Variants in IQGAP2 observed in about 807,000 individuals in gnomAD.
The protein encoded by IQGAP2 is IQ motif containing GTPase activating protein 2, also known as ras GTPase-activating-like protein IQGAP2.
Under a neutral mutation model 201.3 loss-of-function variants are expected in IQGAP2, and 173 were observed. That is an observed-to-expected ratio of 0.86 (90% CI 0.76 to 0.98). IQGAP2 has a LOEUF of 0.98. IQGAP2 is among the 50% of genes least tolerant of loss of function. IQGAP2 has a pLI of 0.00. For missense variants in IQGAP2, 1,687 were observed against 1,864.8 expected, an observed-to-expected ratio of 0.90 and a Z score of 1.76; for synonymous variants, 675 against 673.9, an observed-to-expected ratio of 1.00 and a Z score of -0.03.
chr5:76,706,513 A>T (rs2150573417), intron 35 of IQGAP2, among the ~76,000 whole-genome samples: 1 of 152,066 alleles, frequency 6.6e-6, no homozygotes, highest in South Asian at 2.1e-4. Context: ...ACGCCCAGCT[A>T]ATTTTTGTAT....
At chr5:76,477,125 A>T (rs955212098) in intron 2 of IQGAP2, among the ~76,000 whole-genome samples, 1 of 152,180 alleles carries the variant, frequency 6.6e-6, no homozygotes. Flanking sequence ...GCCTCAGCCC[A>T]GGAGTTTGAG....
rs757013247 is a variant in IQGAP2, at chr5:76,592,858, A to G, written c.840A>G (p.Glu280=). ...TGCAGAATAGCTGTATTTCAGAAGA[A>G]GAAAGAGATGCTTATGAAGAACTGC... ...ARLKNSCISE[E]ERDAYEELLT... Residue 280 remains glutamate (E), a synonymous_variant, in exon 9 of 36, where the codon GAA becomes GAG. Coordinates refer to ENST00000274364, the MANE Select transcript of IQGAP2 (RefSeq NM_006633.5). The G allele has an allele frequency of 3.1e-6, 5 of 1,611,138 alleles. No homozygotes were observed. Among genetic ancestry groups the G allele is most frequent in the Non-Finnish European group, 1.7e-6 (2 of 1,177,366 alleles).
At position 76,698,123 on chromosome 5, in the gene IQGAP2, C is replaced by G. The variant is rs1746924655; in HGVS notation, c.4343C>G (p.Thr1448Ser). Reference protein sequence around the residue: ...QINYYDTYIKTCLDNLKRKNT... With the variant: ...QINYYDTYIKSCLDNLKRKNT... ...AATTATTATGACACCTACATAAAGA[C>G]TTGTTTAGACAACTTAAAAAGAAAG... The change falls in exon 33 of 36, where the codon ACT (threonine) becomes AGT (serine). Residue 1448 changes from threonine (T) to serine (S), a missense_variant. Transcript: ENST00000274364. 3 of 1,598,410 alleles carry G rather than the reference C, an allele frequency of 1.9e-6. No homozygotes were observed. The highest frequency in any genetic ancestry group is 2.6e-6 in the Non-Finnish European group (3 of 1,170,074).
rs748461897 is a variant in IQGAP2 at position 76,632,038 on chromosome 5, TG to T, written c.1780+13del. 1.9e-6 allele frequency: 3 copies of T among 1,590,980 alleles called. No homozygotes were observed. Among genetic ancestry groups the T allele is most frequent in the South Asian group, 1.2e-5 (1 of 86,190 alleles). On this transcript the variant is annotated intron_variant, in intron 15 of 35. Coordinates refer to ENST00000274364, the MANE Select transcript of IQGAP2 (RefSeq NM_006633.5). ...CAAATCTGAAAGAGGTAAGTTGGTT[TG>T]TTACTTTAGCACAAACTAAGTATTT...
chr5:76,700,963 C>T (rs1048415824), intron 33 of IQGAP2, 113 bp from the exon 34 acceptor site: 32 of 1,052,348 alleles, frequency 3.0e-5, no homozygotes, highest in Admixed American at 7.5e-5. Context: ...GTATATTCAG[C>T]GCTCTGAGGG....
intron 1 of IQGAP2, among the ~76,000 whole-genome samples, chr5:76,418,953 A>G (rs1047423433): frequency 6.6e-6 from 1 of 152,074 alleles, no homozygotes; most frequent in African/African-American, 2.4e-5. Context: ...GCCCTTGACT[A>G]TTATCCACAC....
rs565397905 is a variant in IQGAP2, at chr5:76,445,553, C to T, written c.47-16017C>T. Among the ~76,000 whole-genome samples the T allele has an allele frequency of 9.9e-5, 15 of 151,598 alleles. No individual in the cohort carries two copies. The South Asian group carries it at 3.1e-3, about 32-fold the overall frequency. ...GGTCTCGGCTCCCTGCAAACTTCGC[C>T]TCCTGGGTTCAACTGATTCTTCTGC... On this transcript the variant is annotated intron_variant, in intron 1 of 35. Coordinates refer to ENST00000274364, the MANE Select transcript of IQGAP2 (RefSeq NM_006633.5).
intron 10 of IQGAP2, among the ~76,000 whole-genome samples, chr5:76,598,092 T>C (rs566324703): frequency 6.6e-6 from 1 of 152,310 alleles, no homozygotes; most frequent in East Asian, 1.9e-4. Context: ...ATTAAGAACA[T>C]GTTTACTAAC....
chr5:76,649,359 C>T (rs1752332582), intron 17 of IQGAP2, among the ~76,000 whole-genome samples: 1 of 152,084 alleles, frequency 6.6e-6, no homozygotes, highest in Non-Finnish European at 1.5e-5. Context: ...CAAAAATAAC[C>T]TTTAGGAATG....
intron 2 of IQGAP2, among the ~76,000 whole-genome samples, chr5:76,487,051 T>C (rs1756195670): frequency 1.3e-5 from 2 of 152,130 alleles, no homozygotes; most frequent in South Asian, 4.1e-4. Context: ...AATAGTGACA[T>C]TTTTACACAC....
At chr5:76,670,293 C>T (rs1228861144) in intron 23 of IQGAP2, among the ~76,000 whole-genome samples, 2 of 151,988 alleles carry the variant, frequency 1.3e-5, no homozygotes, top group South Asian at 2.1e-4. Context: ...AGGCGGATCA[C>T]GAGGTCAGGA....
At chr5:76,421,451 CA>C (rs970085869) in intron 1 of IQGAP2, among the ~76,000 whole-genome samples, 29 of 151,416 alleles carry the variant, frequency 1.9e-4, no homozygotes, top group Non-Finnish European at 2.9e-4. Context: ...CTATCCTCTG[CA>C]AAAAAAATAC....
chr5:76,461,078 C>A (rs1242080231), intron 1 of IQGAP2, among the ~76,000 whole-genome samples: 2 of 151,814 alleles, frequency 1.3e-5, no homozygotes, highest in African/African-American at 4.8e-5. Flanking sequence ...TGGGGTTTCA[C>A]CGTGTTAGCC....
intron 13 of IQGAP2, chr5:76,623,054 C>G (rs1178378295): frequency 1.1e-6 from 1 of 906,108 alleles, no homozygotes; most frequent in Non-Finnish European, 1.8e-6. Flanking sequence ...AAAGATCAAA[C>G]TGCCTTTGGG....
chr5:76,691,756 T>C (rs1370611675), intron 30 of IQGAP2: 1 of 152,236 alleles, frequency 6.6e-6, no homozygotes, highest in African/African-American at 2.4e-5. Context: ...TGATTGTTCT[T>C]TTCACACAGA....
intron 2 of IQGAP2, among the ~76,000 whole-genome samples, chr5:76,472,301 C>T (rs764465884): frequency 2.6e-5 from 4 of 152,162 alleles, no homozygotes; most frequent in Non-Finnish European, 5.9e-5. Context: ...GGGTGATCTC[C>T]GTGGCACAGG....
At chr5:76,529,577 G>A (rs1452515297) in intron 2 of IQGAP2, among the ~76,000 whole-genome samples, 1 of 151,338 alleles carries the variant, frequency 6.6e-6, no homozygotes, top group Non-Finnish European at 1.5e-5. Context: ...GCAGTGAGCC[G>A]AGATCGCGCC....
intron 1 of IQGAP2, among the ~76,000 whole-genome samples, chr5:76,423,344 C>T (rs528999092): frequency 9.9e-5 from 15 of 152,250 alleles, no homozygotes; most frequent in East Asian, 3.9e-4. Flanking sequence ...CTTGGTCGAC[C>T]GGGCTTGGTG....
chr5:76,411,521 A>G (rs1324173657), intron 1 of IQGAP2, among the ~76,000 whole-genome samples: 3 of 152,150 alleles, frequency 2.0e-5, no homozygotes, highest in Non-Finnish European at 4.4e-5. Context: ...ATGAGTGGTG[A>G]TTAGGCCACC....
Sources: allele counts gnomAD v4.1 joint callset (sites outside exome capture counted in the v4.1 genomes callset), GRCh38; gene constraint gnomAD v4.1.1; transcripts MANE v1.5; gene names NCBI Gene and HGNC (gene_info 2026-07-23, HGNC 2026-07-21).